The following FAM193A variants were observed in gnomAD, a reference collection of about 807,000 sequenced individuals.
The protein encoded by FAM193A is protein FAM193A.
In FAM193A, 22 loss-of-function variants were observed where a neutral mutation model predicts 126.5. That is an observed-to-expected ratio of 0.17 (90% CI 0.12 to 0.25). FAM193A has a LOEUF of 0.25. FAM193A is among the 10% of genes least tolerant of loss of function. FAM193A has a pLI of 1.00. For missense variants in FAM193A, 1,675 were observed against 1,672.8 expected (o/e 1.00, Z -0.02); for synonymous variants, 761 against 646.8 (o/e 1.18, Z -2.68).
chr4:2,565,953 A>T (rs1001201615), intron 1 of FAM193A, among the ~76,000 whole-genome samples: 1 of 152,254 alleles, frequency 6.6e-6, no homozygotes, highest in Non-Finnish European at 1.5e-5. Context: ...GGCTGTCAGT[A>T]GAAAGCTATC....
chr4:2,636,000 A>ATTTTT (rs796940676), intron 5 of FAM193A, among the ~76,000 whole-genome samples: 9,296 of 144,828 alleles, frequency 0.064, 497 homozygotes, highest in African/African-American at 0.14. Flanking sequence ...AAAAGGACGA[A>ATTTTT]TTTTTTTTTT....
intron 2 of FAM193A, among the ~76,000 whole-genome samples, chr4:2,615,679 C>T (rs1742140165): frequency 1.3e-5 from 2 of 152,016 alleles, no homozygotes; most frequent in African/African-American, 4.8e-5. Context: ...CCACCACGCC[C>T]AGGTAATTTT....
intron 12 of FAM193A, among the ~76,000 whole-genome samples, 175 bp downstream of exon 12, chr4:2,663,463 A>G (rs1712727823): frequency 6.6e-6 from 1 of 152,206 alleles, no homozygotes; most frequent in Non-Finnish European, 1.5e-5. Context: ...TCTTGCTCGA[A>G]TATCAATCTT....
intron 2 of FAM193A, among the ~76,000 whole-genome samples, chr4:2,618,055 G>A (rs1742314213): frequency 6.6e-6 from 1 of 152,134 alleles, no homozygotes; most frequent in African/African-American, 2.4e-5. Context: ...GAGGTTGTTG[G>A]TCATTTCTTT....
chr4:2,617,240 T>TTATATATA (rs1553895142), intron 2 of FAM193A, among the ~76,000 whole-genome samples: 9 of 35,244 alleles, frequency 2.6e-4, no homozygotes, highest in Non-Finnish European at 3.1e-4. Context: ...TATGTTTTTA[T>TTATATATA]TATATATATA....
At chr4:2,600,293 G>T (rs1409865431) in intron 2 of FAM193A, among the ~76,000 whole-genome samples, 1 of 152,176 alleles carries the variant, frequency 6.6e-6, no homozygotes, top group East Asian at 1.9e-4. Context: ...CTAGGAGCCT[G>T]AGTTCCCGGA....
At chr4:2,717,050 G>A (rs1311228089) in intron 20 of FAM193A, among the ~76,000 whole-genome samples, 1 of 151,884 alleles carries the variant, frequency 6.6e-6, no homozygotes, top group African/African-American at 2.4e-5. Flanking sequence ...TGTGATCTGG[G>A]CTCACTGCAA....
intron 5 of FAM193A, among the ~76,000 whole-genome samples, chr4:2,635,904 T>A (rs2109014293): frequency 6.6e-6 from 1 of 152,214 alleles, no homozygotes; most frequent in South Asian, 2.1e-4. Flanking sequence ...GCAGTGGGAG[T>A]CTCATCTGCA....
upstream of FAM193A, among the ~76,000 whole-genome samples, chr4:2,536,156 C>CGCGGGCGAG (rs1311975289): frequency 2.6e-4 from 40 of 151,442 alleles, no homozygotes; most frequent in Non-Finnish European, 4.0e-4. Flanking sequence ...CGGACAGGGG[C>CGCGGGCGAG]GCGGGCGAGG....
At chr4:2,612,516 A>T (rs1294406880) in intron 2 of FAM193A, among the ~76,000 whole-genome samples, 1 of 151,998 alleles carries the variant, frequency 6.6e-6, no homozygotes, top group Non-Finnish European at 1.5e-5. Flanking sequence ...CAAACAAACA[A>T]AAAAGTTTTT....
At chr4:2,706,940 G>C (rs1007594648) in intron 19 of FAM193A, among the ~76,000 whole-genome samples, 7 of 151,888 alleles carry the variant, frequency 4.6e-5, no homozygotes, top group Admixed American at 6.6e-5. Flanking sequence ...GGCCAACATG[G>C]TGAAACACCA....
intron 19 of FAM193A, among the ~76,000 whole-genome samples, chr4:2,701,158 G>A (rs1005951250): frequency 2.0e-5 from 3 of 151,500 alleles, no homozygotes; most frequent in African/African-American, 7.3e-5. Flanking sequence ...ATTTCCTCAA[G>A]ATAAAGACAC....
intron 7 of FAM193A, among the ~76,000 whole-genome samples, chr4:2,651,770 A>C (rs1186816770): frequency 6.6e-6 from 1 of 152,230 alleles, no homozygotes; most frequent in Non-Finnish European, 1.5e-5. Context: ...TCCTCAGGAC[A>C]GCTCTGACCA....
intron 1 of FAM193A, among the ~76,000 whole-genome samples, chr4:2,566,981 C>A (rs1728283): frequency 6.6e-6 from 1 of 151,108 alleles, no homozygotes; most frequent in South Asian, 2.1e-4. Context: ...GCTCTGTCGC[C>A]CAGGCTGGAA....
intron 1 of FAM193A, among the ~76,000 whole-genome samples, chr4:2,555,623 G>T (rs1284103937): frequency 6.6e-6 from 1 of 151,976 alleles, no homozygotes; most frequent in Non-Finnish European, 1.5e-5. Flanking sequence ...TTGTTTGTTT[G>T]TTTTTTGTTT....
intron 1 of FAM193A, among the ~76,000 whole-genome samples, chr4:2,564,836 A>C (rs1738837853): frequency 6.6e-6 from 1 of 151,732 alleles, no homozygotes; most frequent in Non-Finnish European, 1.5e-5. Context: ...ATAGGGACTC[A>C]CTCTTGTCGC....
At chr4:2,624,710 T>A (rs764710660) in intron 2 of FAM193A, among the ~76,000 whole-genome samples, 7 of 152,216 alleles carry the variant, frequency 4.6e-5, no homozygotes, top group Admixed American at 1.3e-4. Context: ...TTAAACTTTT[T>A]AAAAAAATTT....
At chr4:2,656,412 G>A (rs937494323) in intron 7 of FAM193A, among the ~76,000 whole-genome samples, 1 of 152,190 alleles carries the variant, frequency 6.6e-6, no homozygotes, top group Non-Finnish European at 1.5e-5. Flanking sequence ...TTTGGCTCAA[G>A]AAGTTATCCA....
chr4:2,665,411 A>G (rs887499682), intron 12 of FAM193A, among the ~76,000 whole-genome samples: 7 of 152,184 alleles, frequency 4.6e-5, no homozygotes, highest in African/African-American at 1.7e-4. Context: ...ATACAAGATC[A>G]TGTTGTCTGC....
Sources: allele counts gnomAD v4.1 joint callset (sites outside exome capture counted in the v4.1 genomes callset), GRCh38; gene constraint gnomAD v4.1.1; transcripts MANE v1.5; gene names NCBI Gene and HGNC (gene_info 2026-07-23, HGNC 2026-07-21).